Variants in TRMT13 observed in about 807,000 individuals in gnomAD.
TRMT13 encodes the protein tRNA:m(4)X modification enzyme TRM13 homolog.
TRMT13 carries 45 observed loss-of-function variants against 55.9 expected under a neutral mutation model. That is an observed-to-expected ratio of 0.80 (90% confidence interval 0.63 to 1.03). The LOEUF is 1.03. Among genes scored for constraint, TRMT13 ranks in the 50% least tolerant of loss-of-function variants. TRMT13 has a pLI of 0.00. For missense variants in TRMT13, 513 were observed against 563.9 expected (o/e 0.91, Z 0.91); for synonymous variants, 183 against 196.3 (o/e 0.93, Z 0.57).
rs779077620 is a variant in TRMT13, at chr1:100,148,228, T to C, written c.1152T>C (p.Asn384=). 43 of 1,613,986 alleles carry C rather than the reference T, an allele frequency of 2.7e-5. No individual in the cohort carries two copies. In the South Asian group the frequency reaches 3.1e-4, roughly 12 times the overall value. Residue 384 remains asparagine, a synonymous_variant, in exon 10 of 11, where the codon AAT becomes AAC. Transcript: ENST00000370141. ...GMRKTSLETS[N]STTKRQDNQN... Reference sequence around the variant, plus strand: ...GGAAAACATCTTTGGAAACCTCAAATAGTACCACAAAGAGGCAAGATAATC... The same window carrying C: ...GGAAAACATCTTTGGAAACCTCAAACAGTACCACAAAGAGGCAAGATAATC...
chr1:100,149,590 T>C lies in TRMT13; in HGVS notation c.*770T>C. 1.6e-6 allele frequency: 1 copy of C among 612,264 alleles called. No homozygotes were observed. The highest frequency in any genetic ancestry group is 2.7e-6 in the Non-Finnish European group (1 of 369,072). The allele number at this position is 612,264 out of a possible 1,614,324, so 37.9% of individuals were successfully genotyped here. ...CTCATATCTTTTATCAGGTCATTTT[T>C]TATATATGTAGGCACAAACAATAAG... On this transcript the variant is annotated 3_prime_UTR_variant, in exon 11 of 11. Transcript: ENST00000370141.
intron 6 of TRMT13, 108 bp downstream of exon 6, chr1:100,140,622 C>A: frequency 1.1e-6 from 1 of 941,852 alleles, no homozygotes; most frequent in Non-Finnish European, 1.6e-6. Context: ...TTGAGGGTAC[C>A]AAATATTTCC....
chr1:100,144,485 TAGAA>T (rs1337109532), intron 9 of TRMT13: 2 of 160,382 alleles, frequency 1.2e-5, no homozygotes, highest in African/African-American at 2.4e-5. Flanking sequence ...AGTAGTTGCT[TAGAA>T]AGAACTCAGA....
At chr1:100,134,085 AT>A (rs551828864) in intron 1 of TRMT13, among the ~76,000 whole-genome samples, 2 of 151,962 alleles carry the variant, frequency 1.3e-5, no homozygotes, top group Non-Finnish European at 2.9e-5. Flanking sequence ...AGAAAAAAAA[AT>A]TTTTTTCGAC....
chr1:100,134,436 ATTC>A (rs1409898953), intron 1 of TRMT13, among the ~76,000 whole-genome samples: 1 of 152,168 alleles, frequency 6.6e-6, no homozygotes, highest in African/African-American at 2.4e-5. Flanking sequence ...TAAGGAATTT[ATTC>A]TTCTAGACAA....
intron 6 of TRMT13, 33 bp from the exon 7 acceptor site, chr1:100,140,819 C>T (rs780391962): frequency 6.3e-7 from 1 of 1,589,372 alleles, no homozygotes; most frequent in South Asian, 1.1e-5. Flanking sequence ...TGTGTTTACT[C>T]TAGTTTATAA....
At position 100,150,412 on chromosome 1, in the gene TRMT13, T is replaced by A. The variant is rs879261782; in HGVS notation, c.*1592T>A. On this transcript the variant is annotated 3_prime_UTR_variant, in exon 11 of 11. Coordinates refer to ENST00000370141, the MANE Select transcript of TRMT13 (RefSeq NM_019083.3). ...AAATAATTAACCTTTTTTTATTGTG[T>A]CAAGCAATACTAATTTGTGTCATAA... 1.3e-5 allele frequency: 2 copies of A among 152,224 alleles called. No homozygotes were observed. The highest frequency in any genetic ancestry group is 2.9e-5 in the Non-Finnish European group (2 of 68,024). The allele number at this position is 152,224 out of a possible 1,614,324, so 9.4% of individuals were successfully genotyped here.
At chr1:100,136,844 A>G (rs1570730130) in intron 1 of TRMT13, 38 bp from the exon 2 acceptor site, 1 of 1,487,794 alleles carries the variant, frequency 6.7e-7, no homozygotes, top group Non-Finnish European at 9.1e-7. Flanking sequence ...AATAAACTTG[A>G]TATTTTATTT....
At chr1:100,140,713 G>A (rs1656509341) in intron 6 of TRMT13, 139 bp from the exon 7 acceptor site, 1 of 929,512 alleles carries the variant, frequency 1.1e-6, no homozygotes. Context: ...AATATTTAAA[G>A]GCAAGAGAGA....
In TRMT13 at chr1:100,133,253, T is replaced by C. The variant is rs757056954; in HGVS notation, c.85T>C (p.Phe29Leu). The C allele has an allele frequency of 6.8e-6, 11 of 1,613,940 alleles. No homozygotes were observed. The South Asian group carries it at 1.1e-4, about 16-fold the overall frequency. ...TTACTATGTGGAAAAGAAGAAACGG[T>C]TCTGCAGGATGGTGGTGGCCGCAGG... ...CGYYVEKKKR[F>L]CRMVVAAGKR... Residue 29 changes from phenylalanine to leucine, a missense_variant, in exon 1 of 11, where the codon TTC becomes CTC. Transcript: ENST00000370141.
chr1:100,133,202 G>A lies in TRMT13; in HGVS notation c.34G>A (p.Gly12Ser). Residue 12 changes from glycine to serine, a missense_variant, in exon 1 of 11, where the codon GGT (glycine) becomes AGT (serine). Physicochemically the swap from Gly to Ser is moderately conservative, Grantham distance 56. This residue lies in a region of TRMT13 where 298 missense variants were observed against 290.3 expected (regional missense o/e 1.03). Coordinates refer to ENST00000370141, the MANE Select transcript of TRMT13 (RefSeq NM_019083.3). ...CTCCGCGACGTCGCCGCACGCGCCT[G>A]GTTTTCCAGCTGAGGGTAGATGCGG... is the stretch of plus-strand genomic sequence containing the variant. ...ATSATSPHAP[G>S]FPAEGRCGYY... 6.2e-7 allele frequency: 1 copy of A among 1,614,170 alleles called. No homozygotes were observed. The highest frequency in any genetic ancestry group is 8.5e-7 in the Non-Finnish European group (1 of 1,180,024).
chr1:100,145,280 C>T (rs1472588087), intron 9 of TRMT13, among the ~76,000 whole-genome samples: 1 of 152,210 alleles, frequency 6.6e-6, no homozygotes, highest in Admixed American at 6.5e-5. Flanking sequence ...TTAAGCAATG[C>T]ATGACTGTAC....
rs1225083743 is a variant in TRMT13, at chr1:100,148,516, A to G, written c.1251-109A>G. 5.4e-6 allele frequency: 6 copies of G among 1,110,306 alleles called. No individual in the cohort carries two copies. In the South Asian group the frequency reaches 5.8e-5, roughly 11 times the overall value. The allele number at this position is 1,110,306 out of a possible 1,614,324, so 68.8% of individuals were successfully genotyped here. A position where few individuals can be genotyped will look rare whatever the true frequency, so the allele number is the denominator to read the frequency against. On this transcript the variant is annotated intron_variant, in intron 10 of 10. Transcript: ENST00000370141. ...CTTGGAAGCATGGGACAAAGTACTT[A>G]GTACATTATGGGTTAGTTAACAGTC...
chr1:100,133,755 T>G lies in TRMT13; in HGVS notation c.147+440T>G, dbSNP rs377371131. 6.6e-5 allele frequency among the ~76,000 whole-genome samples: 10 copies of G among 152,106 alleles called. No homozygotes were observed. In the South Asian group the frequency reaches 1.0e-3, roughly 16 times the overall value. ...TGGAAGAAACTTTCTTTTAAAAATT[T>G]AGACTTGAGGCCCGGCGCGGTGGCT... On this transcript the variant is annotated intron_variant, in intron 1 of 10. Transcript: ENST00000370141.
rs988124720 is a variant in TRMT13 at position 100,144,236 on chromosome 1, T to C, written c.817+93T>C. On this transcript the variant is annotated intron_variant, in intron 9 of 10. Transcript: ENST00000370141. ...TTCAGTGGTCTCTTTTGAATAGATA[T>C]CTTATGTTTACAACTCAATAATCTT... 1.3e-5 allele frequency: 11 copies of C among 863,622 alleles called. No homozygotes were observed. The Admixed American group carries it at 1.9e-4, about 15-fold the overall frequency. The allele number at this position is 863,622 out of a possible 1,614,324, so 53.5% of individuals were successfully genotyped here.
At position 100,149,666 on chromosome 1, in the gene TRMT13, TAATG is replaced by T. The variant is rs927819776; in HGVS notation, c.*849_*852del. On this transcript the variant is annotated 3_prime_UTR_variant, in exon 11 of 11. Transcript: ENST00000370141. ...AATTTGGAATAAAATAGAAATTAGATAATGAAACCAAAAACCTTCTCAAATTTAG... is the reference window on the plus strand; with the variant it reads ...AATTTGGAATAAAATAGAAATTAGATAAACCAAAAACCTTCTCAAATTTAG... The T allele has an allele frequency of 8.7e-6, 3 of 345,990 alleles. No homozygotes were observed. Among genetic ancestry groups the T allele is most frequent in the Non-Finnish European group, 1.6e-5 (3 of 192,568 alleles). The allele number at this position is 345,990 out of a possible 1,614,324, so 21.4% of individuals were successfully genotyped here. A position where few individuals can be genotyped will look rare whatever the true frequency, so the allele number is the denominator to read the frequency against.
intron 9 of TRMT13, among the ~76,000 whole-genome samples, chr1:100,146,837 CACTT>C (rs780141723): frequency 4.6e-5 from 7 of 152,274 alleles, no homozygotes; most frequent in African/African-American, 7.2e-5. Flanking sequence ...TTCTGAAAAT[CACTT>C]ACTTAAGTCA....
rs745356016 is a variant in TRMT13 at position 100,143,200 on chromosome 1, T to A, written c.733T>A (p.Leu245Met). 1 of 1,604,452 alleles carries A rather than the reference T, an allele frequency of 6.2e-7. No homozygotes were observed. Among genetic ancestry groups the A allele is most frequent in the African/African-American group, 1.3e-5 (1 of 74,718 alleles). Residue 245 changes from leucine (L) to methionine (M), a missense_variant, in exon 8 of 11, where the codon TTG (leucine) becomes ATG (methionine). Leu to Met is a conservative substitution (Grantham distance 15). Around this residue, in one of 3 missense-constraint regions of TRMT13, gnomAD observed 298 missense variants for 290.3 expected, o/e 1.03. Transcript: ENST00000370141. ...AAGACTTCAAATTGATATTCAACAC[T>A]TGTGTTTGAGTAAGTTGTGTAACTT... ...FERLQIDIQH[L>M]CLNKIPVLRE...
At chr1:100,145,052 C>G (rs1657066735) in intron 9 of TRMT13, among the ~76,000 whole-genome samples, 1 of 152,118 alleles carries the variant, frequency 6.6e-6, no homozygotes, top group Non-Finnish European at 1.5e-5. Context: ...TTTTACTGTA[C>G]CTTTTTTGTA....
Sources: allele counts gnomAD v4.1 joint callset (sites outside exome capture counted in the v4.1 genomes callset), GRCh38; gene constraint gnomAD v4.1.1; regional missense constraint gnomAD v4.1.1; transcripts MANE v1.5; gene names NCBI Gene and HGNC (gene_info 2026-07-23, HGNC 2026-07-21).